GALNT13: variants seen among roughly 807,000 people sequenced by gnomAD.
The protein encoded by GALNT13 is UDP-GalNAc:polypeptide N-acetylgalactosaminyltransferase 13.
A neutral mutation model predicts 64.2 loss-of-function variants in GALNT13; 28 were observed. The observed-to-expected ratio is 0.44, with a 90% CI of 0.32 to 0.60. The LOEUF (loss-of-function observed/expected upper bound fraction) is 0.60. GALNT13 is among the 20% of genes least tolerant of loss of function. GALNT13 has a pLI of 0.05. For synonymous variants in GALNT13, 214 were observed against 224.6 expected (o/e 0.95, Z 0.42); for missense variants, 577 against 669.8 (o/e 0.86, Z 1.53).
chr2:153,195,536 C>T, the GALNT13 span, among the ~76,000 whole-genome samples: 2 of 152,216 alleles, frequency 1.3e-5, no homozygotes, highest in African/African-American at 2.4e-5. Context: ...CTCCAGCTGG[C>T]ACCAGTGAAT....
At chr2:153,347,255 GA>G in the GALNT13 span, among the ~76,000 whole-genome samples, 1 of 152,172 alleles carries the variant, frequency 6.6e-6, no homozygotes, top group Admixed American at 6.5e-5. Flanking sequence ...GGATAGGAGG[GA>G]AAACCTAGGT....
chr2:153,281,439 T>A, the GALNT13 span, among the ~76,000 whole-genome samples: 2 of 152,198 alleles, frequency 1.3e-5, no homozygotes, highest in Admixed American at 6.5e-5. Flanking sequence ...TGTTAGCTGG[T>A]TGCTTTGTAG....
chr2:153,907,378 T>G (rs1596635), intron 2 of GALNT13, among the ~76,000 whole-genome samples: 8,327 of 151,934 alleles, frequency 0.055, 331 homozygotes, highest in South Asian at 0.11. Context: ...ACATACATAA[T>G]AATACATACA....
chr2:153,831,063 T>C, the GALNT13 span, among the ~76,000 whole-genome samples: 1 of 152,232 alleles, frequency 6.6e-6, no homozygotes, highest in Non-Finnish European at 1.5e-5. Context: ...TGATAGAGTC[T>C]GTTTCAATAA....
chr2:153,672,922 A>G, the GALNT13 span, among the ~76,000 whole-genome samples: 8 of 152,204 alleles, frequency 5.3e-5, no homozygotes, highest in Non-Finnish European at 1.2e-4. Context: ...AGAGAATACT[A>G]TAAACGGCTC....
chr2:153,307,514 T>A, the GALNT13 span, among the ~76,000 whole-genome samples: 1 of 152,150 alleles, frequency 6.6e-6, no homozygotes, highest in African/African-American at 2.4e-5. Context: ...TTATAAATTT[T>A]ACACTTTAAA....
chr2:153,886,572 G>A (rs1239139911), intron 1 of GALNT13, among the ~76,000 whole-genome samples: 1 of 152,042 alleles, frequency 6.6e-6, no homozygotes, highest in Non-Finnish European at 1.5e-5. Flanking sequence ...TCACTCATAG[G>A]TGGGAATTGA....
At chr2:153,603,333 G>T in the GALNT13 span, among the ~76,000 whole-genome samples, 1 of 151,816 alleles carries the variant, frequency 6.6e-6, no homozygotes, top group African/African-American at 2.4e-5. Flanking sequence ...AACAGGAAAA[G>T]AACTAAGCCC....
chr2:153,272,352 C>T, the GALNT13 span, among the ~76,000 whole-genome samples: 1 of 151,368 alleles, frequency 6.6e-6, no homozygotes, highest in Non-Finnish European at 1.5e-5. Flanking sequence ...AAAATTTTTG[C>T]AGTCTATCCA....
chr2:153,179,482 T>C, the GALNT13 span, among the ~76,000 whole-genome samples: 7 of 152,154 alleles, frequency 4.6e-5, no homozygotes, highest in Admixed American at 3.3e-4. Flanking sequence ...AATCAAATAG[T>C]GTGATGTTTC....
At chr2:153,404,244 G>A in the GALNT13 span, among the ~76,000 whole-genome samples, 1 of 152,156 alleles carries the variant, frequency 6.6e-6, no homozygotes, top group Non-Finnish European at 1.5e-5. Context: ...GACACGTACA[G>A]CCCCAGTTAT....
the GALNT13 span, among the ~76,000 whole-genome samples, chr2:153,233,459 A>T: frequency 1.3e-5 from 2 of 149,342 alleles, no homozygotes; most frequent in Non-Finnish European, 3.0e-5. Context: ...CTTTAGAGCT[A>T]TTCTCAATAT....
At chr2:154,332,042 A>T (rs1695193614) in intron 9 of GALNT13, among the ~76,000 whole-genome samples, 1 of 152,116 alleles carries the variant, frequency 6.6e-6, no homozygotes, top group South Asian at 2.1e-4. Context: ...AATAATTTAC[A>T]GAAAACATTT....
At chr2:154,205,060 G>T (rs928702404) in intron 4 of GALNT13, among the ~76,000 whole-genome samples, 20 of 152,120 alleles carry the variant, frequency 1.3e-4, no homozygotes, top group African/African-American at 4.8e-4. Context: ...TATGAAAGAT[G>T]TCTTCTACTA....
At chr2:154,013,513 T>G (rs1345330913) in intron 3 of GALNT13, among the ~76,000 whole-genome samples, 3 of 152,082 alleles carry the variant, frequency 2.0e-5, no homozygotes, top group African/African-American at 7.2e-5. Flanking sequence ...TGCTTTTGTG[T>G]CAGTGGGGTG....
intron 5 of GALNT13, 123 bp downstream of exon 5, chr2:154,242,319 A>G: frequency 2.5e-6 from 2 of 800,170 alleles, no homozygotes; most frequent in Non-Finnish European, 3.9e-6. Flanking sequence ...TTGCATTATA[A>G]TTTTACTAGC....
At chr2:154,427,088 G>C (rs1170252044) in intron 11 of GALNT13, among the ~76,000 whole-genome samples, 1 of 152,158 alleles carries the variant, frequency 6.6e-6, no homozygotes, top group Non-Finnish European at 1.5e-5. Context: ...CTAATATTTA[G>C]ATATTACTTG....
intron 9 of GALNT13, among the ~76,000 whole-genome samples, chr2:154,320,700 C>T (rs980956306): frequency 1.3e-5 from 2 of 152,168 alleles, no homozygotes; most frequent in African/African-American, 4.8e-5. Flanking sequence ...TCTTAATCAT[C>T]TTTCAGGGAT....
the GALNT13 span, among the ~76,000 whole-genome samples, chr2:153,577,753 T>C: frequency 1.3e-5 from 2 of 151,792 alleles, no homozygotes. Context: ...CGTGTTCCTG[T>C]GATTAGAAAA....
Sources: allele counts gnomAD v4.1 joint callset (sites outside exome capture counted in the v4.1 genomes callset), GRCh38; gene constraint gnomAD v4.1.1; transcripts MANE v1.5; gene names NCBI Gene and HGNC (gene_info 2026-07-23, HGNC 2026-07-21).